Variants in DGKB observed in about 807,000 individuals in gnomAD.
DGKB encodes 90 kDa diacylglycerol kinase.
A neutral mutation model predicts 114.3 loss-of-function variants in DGKB; 67 were observed. The ratio of observed to expected loss-of-function variants is 0.59; its 90% CI spans 0.48 to 0.72. The LOEUF is 0.72. DGKB is among the 30% of genes least tolerant of loss of function. DGKB has a pLI of 0.00. For missense variants in DGKB, 907 were observed against 975.2 expected, an observed-to-expected ratio of 0.93 and a Z score of 0.93; for synonymous variants, 398 against 323.1, an observed-to-expected ratio of 1.23 and a Z score of -2.49.
chr7:14,666,463 C>T (rs1222898069), intron 13 of DGKB, among the ~76,000 whole-genome samples: 3 of 151,904 alleles, frequency 2.0e-5, no homozygotes, highest in African/African-American at 7.3e-5. Context: ...AATTTATTTG[C>T]AATGTCACTT....
At chr7:14,836,093 C>T (rs367894285) in intron 2 of DGKB, among the ~76,000 whole-genome samples, 3 of 152,092 alleles carry the variant, frequency 2.0e-5, no homozygotes, top group Admixed American at 6.5e-5. Context: ...TGTTACATTA[C>T]GAAGGCCATA....
At chr7:14,438,147 G>T (rs189491833) in intron 21 of DGKB, among the ~76,000 whole-genome samples, 130 of 152,168 alleles carry the variant, frequency 8.5e-4, no homozygotes, top group African/African-American at 3.0e-3. Context: ...GATACTAGGA[G>T]AAATTAATTC....
At chr7:14,617,206 C>T (rs1193788376) in intron 15 of DGKB, among the ~76,000 whole-genome samples, 2 of 151,600 alleles carry the variant, frequency 1.3e-5, no homozygotes, top group African/African-American at 4.8e-5. Context: ...ACATATTGGT[C>T]TACCTACTTG....
chr7:14,653,724 T>A (rs563317064), intron 13 of DGKB, among the ~76,000 whole-genome samples: 1 of 151,990 alleles, frequency 6.6e-6, no homozygotes, highest in South Asian at 2.1e-4. Flanking sequence ...ATGGTTCATA[T>A]ATGCAAATCA....
intron 2 of DGKB, among the ~76,000 whole-genome samples, chr7:14,826,943 T>A (rs923153462): frequency 1.2e-4 from 19 of 152,118 alleles, no homozygotes; most frequent in Non-Finnish European, 1.5e-5. Flanking sequence ...TAAAATAGCC[T>A]AGTGAGCCAT....
chr7:14,161,550 G>A (rs1291134216), intron 25 of DGKB, among the ~76,000 whole-genome samples: 1 of 151,976 alleles, frequency 6.6e-6, no homozygotes, highest in African/African-American at 2.4e-5. Flanking sequence ...ATCATTATCA[G>A]CAAACTAACA....
chr7:14,296,100 C>T (rs186745253), intron 23 of DGKB, among the ~76,000 whole-genome samples: 22 of 150,660 alleles, frequency 1.5e-4, no homozygotes, highest in Middle Eastern at 3.4e-3. Context: ...GGCACAATCT[C>T]GGCACACTGC....
chr7:14,592,964 G>A (rs1801949551), intron 17 of DGKB, among the ~76,000 whole-genome samples: 2 of 152,086 alleles, frequency 1.3e-5, no homozygotes, highest in African/African-American at 2.4e-5. Context: ...TTGTGTGGAA[G>A]CTGAATTTAC....
intron 14 of DGKB, among the ~76,000 whole-genome samples, chr7:14,629,950 A>C (rs1211426655): frequency 1.3e-5 from 2 of 152,062 alleles, no homozygotes; most frequent in African/African-American, 4.8e-5. Flanking sequence ...TCTATGTAGT[A>C]AAAACTCTTT....
chr7:14,534,949 A>G (rs1166277092), intron 20 of DGKB, among the ~76,000 whole-genome samples: 2 of 152,186 alleles, frequency 1.3e-5, no homozygotes, highest in African/African-American at 4.8e-5. Flanking sequence ...TCACTGGGTG[A>G]GAAAAGAAAT....
intron 23 of DGKB, among the ~76,000 whole-genome samples, chr7:14,222,233 G>A (rs969917141): frequency 4.0e-5 from 6 of 150,392 alleles, no homozygotes; most frequent in African/African-American, 1.5e-4. Context: ...TGCAGTGTCT[G>A]AAGATTGAAG....
intron 20 of DGKB, among the ~76,000 whole-genome samples, chr7:14,557,706 T>C (rs929153207): frequency 6.6e-6 from 1 of 151,988 alleles, no homozygotes. Flanking sequence ...CTTTTTCCAT[T>C]TTTATTTCCA....
chr7:14,596,943 T>C (rs1228432548), intron 17 of DGKB, among the ~76,000 whole-genome samples: 1 of 152,210 alleles, frequency 6.6e-6, no homozygotes, highest in African/African-American at 2.4e-5. Context: ...TACAACCACA[T>C]TGCTAAGATC....
intron 2 of DGKB, among the ~76,000 whole-genome samples, chr7:14,809,729 G>T (rs1177835519): frequency 6.6e-6 from 1 of 152,112 alleles, no homozygotes; most frequent in Admixed American, 6.5e-5. Context: ...TGCCAATGGT[G>T]TAGCAGTGGC....
At chr7:14,478,367 G>T in intron 20 of DGKB, 142 bp from the exon 21 acceptor site, 1 of 499,650 alleles carries the variant, frequency 2.0e-6, no homozygotes, top group South Asian at 4.3e-5. Flanking sequence ...GTAAAATTAG[G>T]CAAAAATGTG....
At chr7:14,954,758 T>A (rs567272567) in intron 1 of DGKB, among the ~76,000 whole-genome samples, 2 of 152,046 alleles carry the variant, frequency 1.3e-5, no homozygotes, top group African/African-American at 4.8e-5. Flanking sequence ...TGATAAAATA[T>A]ATAAAATTGT....
intron 2 of DGKB, among the ~76,000 whole-genome samples, chr7:14,829,452 C>T (rs1316100611): frequency 1.3e-5 from 2 of 152,094 alleles, no homozygotes; most frequent in African/African-American, 4.8e-5. Flanking sequence ...GATACCCAAG[C>T]ACTTGAAAGA....
intron 23 of DGKB, among the ~76,000 whole-genome samples, chr7:14,241,186 T>C (rs536502325): frequency 6.6e-6 from 1 of 152,272 alleles, no homozygotes; most frequent in Admixed American, 6.5e-5. Context: ...ATTATTGTTA[T>C]TGTTATGAAT....
chr7:14,670,220 A>G (rs1393584061), intron 13 of DGKB, among the ~76,000 whole-genome samples: 2 of 151,028 alleles, frequency 1.3e-5, no homozygotes, highest in Non-Finnish European at 3.0e-5. Context: ...GTGTGTGTGC[A>G]TGTGTGTGTG....
Sources: gnomAD v4.1 joint callset for allele counts (sites outside exome capture counted in the v4.1 genomes callset) on GRCh38, gnomAD v4.1.1 for gene constraint, MANE v1.5 for transcripts, NCBI Gene and HGNC (gene_info 2026-07-23, HGNC 2026-07-21) for gene names.